The following PRKCE variants were observed in gnomAD, a reference collection of about 807,000 sequenced individuals.
The protein encoded by PRKCE is protein kinase C epsilon type.
In PRKCE, 16 loss-of-function variants were observed where a neutral mutation model predicts 85.4. The ratio of observed to expected loss-of-function variants is 0.19; its 90% CI spans 0.13 to 0.28. PRKCE has a LOEUF of 0.28. PRKCE is among the 10% of genes least tolerant of loss of function. PRKCE has a pLI of 1.00. For synonymous variants in PRKCE, 388 were observed against 371.5 expected, an observed-to-expected ratio of 1.04 and a Z score of -0.51; for missense variants, 573 against 975.2, an observed-to-expected ratio of 0.59 and a Z score of 5.49.
chr2:46,101,851 C>G (rs1238026739), intron 11 of PRKCE, among the ~76,000 whole-genome samples: 3 of 96,866 alleles, frequency 3.1e-5, no homozygotes, highest in Non-Finnish European at 5.7e-5. Context: ...TGCTGATAAA[C>G]TGGCTTTCAA....
Position 46,001,399 on chromosome 2 carries a change from T to A in PRKCE, c.824-5T>A. 6.3e-7 allele frequency: 1 copy of A among 1,598,808 alleles called. No individual in the cohort carries two copies. ...TATCTGTCTTTTCTCCATGTCTCCT[T>A]ACAGTCTGCAAAATGAATGTTCACC... On this transcript the variant is annotated splice_polypyrimidine_tract_variant and splice_region_variant and intron_variant, in intron 6 of 14. Coordinates refer to ENST00000306156, the MANE Select transcript of PRKCE (RefSeq NM_005400.3). This position sits in a 1 kb window ranked among gnomAD's most constrained non-coding sequence, Gnocchi z 4.4.
intron 6 of PRKCE, among the ~76,000 whole-genome samples, chr2:45,996,683 A>G (rs1321030523): frequency 1.3e-5 from 2 of 152,168 alleles, no homozygotes; most frequent in African/African-American, 4.8e-5. Flanking sequence ...TGCCTGGGAT[A>G]AATCCTACTT....
intron 6 of PRKCE, among the ~76,000 whole-genome samples, chr2:45,995,691 A>G (rs1704156500): frequency 6.6e-6 from 1 of 152,130 alleles, no homozygotes; most frequent in Admixed American, 6.5e-5. Context: ...GTTCTGTTCC[A>G]TTGATCTATT....
intron 10 of PRKCE, among the ~76,000 whole-genome samples, chr2:46,077,459 C>T (rs573514349): frequency 2.5e-3 from 381 of 152,164 alleles, no homozygotes; most frequent in Non-Finnish European, 4.3e-3. Context: ...CATGTGAAAA[C>T]CTATTTTATA....
intron 1 of PRKCE, among the ~76,000 whole-genome samples, chr2:45,783,823 G>A (rs375120349): frequency 5.9e-5 from 9 of 152,278 alleles, no homozygotes; most frequent in Admixed American, 4.6e-4. Flanking sequence ...GCCCTACTCC[G>A]GACTTGTTGA....
chr2:45,927,694 G>T (rs911444879), intron 2 of PRKCE, among the ~76,000 whole-genome samples: 1 of 152,198 alleles, frequency 6.6e-6, no homozygotes, highest in East Asian at 1.9e-4. Context: ...AAAATCTCTC[G>T]CATAGAGGCT....
At position 46,067,831 on chromosome 2, in the gene PRKCE, A is replaced by C. The variant is rs1667752975; in HGVS notation, c.1438-18377A>C. The stretch of plus-strand genomic sequence containing the variant: ...TTAGCTAACTCTCCTAACGCTACAG[A>C]CCAAGAATATAACGCAAGGTAGGGG... On this transcript the variant is annotated intron_variant, in intron 10 of 14. Coordinates refer to ENST00000306156, the MANE Select transcript of PRKCE (RefSeq NM_005400.3). 2.0e-5 allele frequency among the ~76,000 whole-genome samples: 3 copies of C among 152,320 alleles called. No individual in the cohort carries two copies. The South Asian group carries it at 6.2e-4, about 32-fold the overall frequency.
chr2:45,983,489 A>T (rs1487431003), intron 5 of PRKCE, among the ~76,000 whole-genome samples: 1 of 152,094 alleles, frequency 6.6e-6, no homozygotes, highest in East Asian at 1.9e-4. Context: ...AGCGCTGTGG[A>T]GGGGCAGAGA....
In PRKCE at chr2:45,957,185, T is replaced by A. The variant is rs1172897644; in HGVS notation, c.413-19244T>A. 9.2e-5 allele frequency among the ~76,000 whole-genome samples: 14 copies of A among 152,390 alleles called. 1 individual carries two copies. The South Asian group carries it at 2.7e-3, about 29-fold the overall frequency. ...TTTATGAATTATGCTTTTAATGTCA[T>A]AGCTAATCTTCACCCAAACCCAACG... On this transcript the variant is annotated intron_variant, in intron 2 of 14. Coordinates refer to ENST00000306156, the MANE Select transcript of PRKCE (RefSeq NM_005400.3).
At chr2:45,862,517 G>C (rs985619071) in intron 2 of PRKCE, among the ~76,000 whole-genome samples, 3 of 152,222 alleles carry the variant, frequency 2.0e-5, no homozygotes, top group Admixed American at 6.5e-5. Flanking sequence ...CTGTGTACAA[G>C]AATGCATCAG....
At chr2:45,739,826 G>GA (rs34527501) in intron 1 of PRKCE, among the ~76,000 whole-genome samples, 4 of 152,092 alleles carry the variant, frequency 2.6e-5, no homozygotes, top group Non-Finnish European at 5.9e-5. Flanking sequence ...ACTAAAAAGG[G>GA]AAAATTTCAC....
chr2:46,164,406 C>G (rs1037407819), intron 14 of PRKCE, among the ~76,000 whole-genome samples: 1 of 152,236 alleles, frequency 6.6e-6, no homozygotes, highest in East Asian at 1.9e-4. Flanking sequence ...AACTGAATAC[C>G]TCCAAGGTGA....
intron 10 of PRKCE, among the ~76,000 whole-genome samples, chr2:46,019,551 T>A (rs1706460618): frequency 6.6e-6 from 1 of 152,264 alleles, no homozygotes; most frequent in Admixed American, 6.5e-5. Flanking sequence ...AGAAGTGTTA[T>A]TTCAGTTTTA....
intron 1 of PRKCE, among the ~76,000 whole-genome samples, chr2:45,828,269 C>T (rs917827434): frequency 6.6e-6 from 1 of 152,186 alleles, no homozygotes; most frequent in African/African-American, 2.4e-5. Flanking sequence ...CTGTTGAAAA[C>T]TCTATTGATA....
intron 1 of PRKCE, among the ~76,000 whole-genome samples, chr2:45,707,162 A>C (rs1679181577): frequency 6.6e-6 from 1 of 152,234 alleles, no homozygotes. Context: ...CGTGGATCGC[A>C]GTTCATTACT....
intron 1 of PRKCE, among the ~76,000 whole-genome samples, chr2:45,741,297 T>C (rs10170744): frequency 0.47 from 71,084 of 151,940 alleles, 16,933 homozygotes; most frequent in African/African-American, 0.55. Flanking sequence ...TGTAACAAAG[T>C]TTCTGAGAAT....
Position 45,861,325 on chromosome 2 carries a change from T to C in PRKCE, c.412+18262T>C, listed in dbSNP as rs537073792. Among the ~76,000 whole-genome samples the C allele has an allele frequency of 1.3e-3, 201 of 152,284 alleles. 1 individual carries two copies. Among genetic ancestry groups the C allele is most frequent in the Middle Eastern group, 0.01 (3 of 294 alleles). On this transcript the variant is annotated intron_variant, in intron 2 of 14. Transcript: ENST00000306156. Reference sequence around the variant, plus strand: ...GGTGATTTTTCATGCATGTAGTTTATAACACACTGAGTTATGCTGAACACA... The same window carrying C: ...GGTGATTTTTCATGCATGTAGTTTACAACACACTGAGTTATGCTGAACACA...
chr2:45,955,911 G>A (rs1310590785), intron 2 of PRKCE, among the ~76,000 whole-genome samples: 1 of 152,042 alleles, frequency 6.6e-6, no homozygotes, highest in Non-Finnish European at 1.5e-5. Context: ...TAAAAATATA[G>A]AATAGTTCCA....
intron 14 of PRKCE, among the ~76,000 whole-genome samples, chr2:46,175,983 C>G (rs1245430063): frequency 6.6e-6 from 1 of 152,128 alleles, no homozygotes; most frequent in Non-Finnish European, 1.5e-5. Flanking sequence ...GCTTTAAAAA[C>G]TCACCGTCTG....
Sources: gnomAD v4.1 joint callset for allele counts (sites outside exome capture counted in the v4.1 genomes callset) on GRCh38, gnomAD v4.1.1 for gene constraint, Gnocchi (gnomAD v3.1) non-coding constraint, MANE v1.5 for transcripts, NCBI Gene and HGNC (gene_info 2026-07-23, HGNC 2026-07-21) for gene names.